Variants in CNNM1 observed in about 807,000 individuals in gnomAD.
The protein encoded by CNNM1 is cyclin and CBS domain divalent metal cation transport mediator 1.
Under a neutral mutation model 78.8 loss-of-function variants are expected in CNNM1, and 44 were observed. The observed-to-expected ratio is 0.56, with a 90% confidence interval of 0.44 to 0.72. The LOEUF (loss-of-function observed/expected upper bound fraction) is 0.72, where lower values mean the gene tolerates loss of function less well. CNNM1 is among the 30% of genes least tolerant of loss of function. CNNM1 has a pLI of 0.00. For synonymous variants in CNNM1, 584 were observed against 581.5 expected, an observed-to-expected ratio of 1.00 and a Z score of -0.06; for missense variants, 1,101 against 1,292.2, an observed-to-expected ratio of 0.85 and a Z score of 2.27.
chr10:99,364,457 T>C lies in CNNM1; in HGVS notation c.2069T>C (p.Phe690Ser). The stretch of plus-strand genomic sequence containing the variant: ...GAGGTTGGTAAGGAAGGCCTTCGCT[T>C]TGAAAATGGAGCCTTTACTTACTAT... ...EVEVGKEGLR[F>S]ENGAFTYYGV... Residue 690 changes from phenylalanine to serine, a missense_variant, in exon 5 of 11, where the codon TTT (phenylalanine) becomes TCT (serine). By Grantham distance (155) the Phe-to-Ser change is radical. Around this residue, in one of 3 missense-constraint regions of CNNM1, gnomAD observed 348 missense variants for 384.5 expected, o/e 0.90. Transcript: ENST00000356713. 1 of 1,612,928 alleles carries C rather than the reference T, an allele frequency of 6.2e-7. No homozygotes were observed. Among genetic ancestry groups the C allele is most frequent in the Non-Finnish European group, 8.5e-7 (1 of 1,179,536 alleles).
At chr10:99,356,390 C>T (rs965604493) in intron 1 of CNNM1, among the ~76,000 whole-genome samples, 2 of 151,698 alleles carry the variant, frequency 1.3e-5, no homozygotes, top group Non-Finnish European at 2.9e-5. Context: ...GTAGGAGAAT[C>T]ACTTGAACCC....
At chr10:99,362,506 C>A in intron 4 of CNNM1, 110 bp downstream of exon 4, 1 of 1,147,896 alleles carries the variant, frequency 8.7e-7, no homozygotes, top group Non-Finnish European at 1.2e-6. Flanking sequence ...CTGGCTGCCT[C>A]AGCAACAAGG....
intron 7 of CNNM1, among the ~76,000 whole-genome samples, chr10:99,379,080 A>C (rs985573466): frequency 6.6e-6 from 1 of 152,240 alleles, no homozygotes; most frequent in Non-Finnish European, 1.5e-5. Context: ...AAAAAGTGGG[A>C]AAAGAGGAAC....
At chr10:99,334,451 G>A (rs2030071597) in intron 1 of CNNM1, among the ~76,000 whole-genome samples, 1 of 152,078 alleles carries the variant, frequency 6.6e-6, no homozygotes, top group Non-Finnish European at 1.5e-5. Context: ...TCAGGAGTTC[G>A]TGACCAGCTT....
At position 99,393,422 on chromosome 10, in the gene CNNM1, T is replaced by C. The variant is rs1460953060; in HGVS notation, c.*1906T>C. Reference sequence around the variant, plus strand: ...TATGAAACCCCTAAAACTGTCAGTATTTAATGTATTTATTCTTGTATGTTT... The same window carrying C: ...TATGAAACCCCTAAAACTGTCAGTACTTAATGTATTTATTCTTGTATGTTT... On this transcript the variant is annotated 3_prime_UTR_variant, in exon 11 of 11. Coordinates refer to ENST00000356713, the MANE Select transcript of CNNM1 (RefSeq NM_020348.3). 2.0e-5 allele frequency: 3 copies of C among 152,722 alleles called. No individual in the cohort carries two copies. The East Asian group carries it at 5.8e-4, about 29-fold the overall frequency. The allele number at this position is 152,722 out of a possible 1,614,324, so 9.5% of individuals were successfully genotyped here.
intron 1 of CNNM1, among the ~76,000 whole-genome samples, chr10:99,341,699 C>T (rs191755347): frequency 1.3e-5 from 2 of 152,284 alleles, no homozygotes; most frequent in Admixed American, 6.5e-5. Flanking sequence ...AGGGAGCCGA[C>T]ACTGTGTCTG....
At position 99,357,616 on chromosome 10, in the gene CNNM1, A is replaced by G; in HGVS notation, c.1678A>G (p.Ile560Val). 2 of 1,613,290 alleles carry G rather than the reference A, an allele frequency of 1.2e-6. No homozygotes were observed. The highest frequency in any genetic ancestry group is 1.7e-6 in the Non-Finnish European group (2 of 1,179,558). ...IVTLEDIIEEIIKSEILDETD... is the reference protein window; with the variant it reads ...IVTLEDIIEEVIKSEILDETD... The stretch of plus-strand genomic sequence containing the variant: ...CACGCTGGAGGATATCATAGAGGAG[A>G]TTATCAAGTCGGAGATCCTGGATGA... Residue 560 changes from isoleucine (I) to valine (V), a missense_variant, in exon 2 of 11, where the codon ATT becomes GTT. Physicochemically the swap from Ile to Val is conservative, Grantham distance 29 (BLOSUM62 3). Coordinates refer to ENST00000356713, the MANE Select transcript of CNNM1 (RefSeq NM_020348.3).
chr10:99,342,038 C>T (rs1282075933), intron 1 of CNNM1, among the ~76,000 whole-genome samples: 1 of 152,170 alleles, frequency 6.6e-6, no homozygotes, highest in Non-Finnish European at 1.5e-5. Flanking sequence ...CTGCCTCCAG[C>T]AAATCCCTGC....
intron 6 of CNNM1, among the ~76,000 whole-genome samples, chr10:99,374,565 T>C (rs762640608): frequency 6.6e-6 from 1 of 152,228 alleles, no homozygotes; most frequent in Non-Finnish European, 1.5e-5. Flanking sequence ...TTTGTGATGA[T>C]TTAAGAGCTT....
intron 1 of CNNM1, among the ~76,000 whole-genome samples, chr10:99,352,565 G>A (rs2030986721): frequency 6.6e-6 from 1 of 152,110 alleles, no homozygotes; most frequent in Non-Finnish European, 1.5e-5. Flanking sequence ...GCCATCTTGT[G>A]GGTATAAAGT....
At chr10:99,347,980 C>T (rs2030774171) in intron 1 of CNNM1, among the ~76,000 whole-genome samples, 1 of 151,818 alleles carries the variant, frequency 6.6e-6, no homozygotes, top group South Asian at 2.1e-4. Flanking sequence ...GCTTCGCTTT[C>T]CCCTTAGCAG....
At chr10:99,336,006 C>T (rs75489444) in intron 1 of CNNM1, among the ~76,000 whole-genome samples, 5,666 of 152,240 alleles carry the variant, frequency 0.037, 224 homozygotes, top group East Asian at 0.16. Flanking sequence ...CTCTGGGTGT[C>T]GTTAGGGCTT....
intron 6 of CNNM1, among the ~76,000 whole-genome samples, chr10:99,371,675 A>C (rs2031808049): frequency 6.6e-6 from 1 of 152,198 alleles, no homozygotes. Context: ...TTTGGGAACC[A>C]TTAAAGCTCC....
intron 1 of CNNM1, among the ~76,000 whole-genome samples, chr10:99,351,138 A>G (rs939003010): frequency 2.0e-5 from 3 of 152,230 alleles, no homozygotes; most frequent in African/African-American, 7.2e-5. Flanking sequence ...GAACACTGCC[A>G]GTAACCAGTA....
At chr10:99,374,709 G>C (rs929380029) in intron 6 of CNNM1, among the ~76,000 whole-genome samples, 2 of 152,198 alleles carry the variant, frequency 1.3e-5, no homozygotes, top group Non-Finnish European at 2.9e-5. Context: ...GTATCGCCCT[G>C]TGGGACCCTG....
At chr10:99,352,205 T>C (rs1156887919) in intron 1 of CNNM1, among the ~76,000 whole-genome samples, 1 of 152,224 alleles carries the variant, frequency 6.6e-6, no homozygotes, top group Non-Finnish European at 1.5e-5. Context: ...CTGGAAATTT[T>C]ACATAAATGG....
intron 1 of CNNM1, among the ~76,000 whole-genome samples, chr10:99,332,038 T>G (rs952491306): frequency 2.0e-5 from 3 of 152,212 alleles, no homozygotes; most frequent in African/African-American, 7.2e-5. Context: ...TCAGCCTGGA[T>G]ACATTAGAGT....
chr10:99,355,986 C>T (rs577251347), intron 1 of CNNM1, among the ~76,000 whole-genome samples: 2 of 152,304 alleles, frequency 1.3e-5, no homozygotes, highest in African/African-American at 4.8e-5. Context: ...CTTATAGGTA[C>T]TGATTGTTCA....
chr10:99,364,405 T>A lies in CNNM1; in HGVS notation c.2029-12T>A. On this transcript the variant is annotated splice_polypyrimidine_tract_variant and intron_variant, in intron 4 of 10. Transcript: ENST00000356713. ...ACACATTCATAGTACACTTCCTTTTTTTTTTTTCCAGGGTAAAGTGGAGGT... is the reference window on the plus strand; with the variant it reads ...ACACATTCATAGTACACTTCCTTTTATTTTTTTCCAGGGTAAAGTGGAGGT... 6.2e-7 allele frequency: 1 copy of A among 1,600,784 alleles called. No individual in the cohort carries two copies. Among genetic ancestry groups the A allele is most frequent in the Non-Finnish European group, 8.5e-7 (1 of 1,173,128 alleles).
Sources: allele counts gnomAD v4.1 joint callset (sites outside exome capture counted in the v4.1 genomes callset), GRCh38; gene constraint gnomAD v4.1.1; regional missense constraint gnomAD v4.1.1; transcripts MANE v1.5; gene names NCBI Gene and HGNC (gene_info 2026-07-23, HGNC 2026-07-21).